The following ULK4 variants were observed in gnomAD, a reference collection of about 807,000 sequenced individuals.
The protein encoded by ULK4 is unc-51 like kinase 4, also known as inactive serine/threonine-protein kinase ULK4.
In ULK4, 133 loss-of-function variants were observed where a neutral mutation model predicts 160.6. The ratio of observed to expected loss-of-function variants is 0.83; its 90% confidence interval spans 0.72 to 0.96. The LOEUF is 0.96. ULK4 is among the 40% of genes least tolerant of loss of function. The pLI, the probability that ULK4 is intolerant of heterozygous loss-of-function variation, is 0.00. For synonymous variants in ULK4, 534 were observed against 539.8 expected, an observed-to-expected ratio of 0.99 and a Z score of 0.15; for missense variants, 1,580 against 1,499.5, an observed-to-expected ratio of 1.05 and a Z score of -0.89.
rs115437895 is a variant in ULK4, at chr3:41,261,125, A to G, written c.3679-11551T>C. Among the ~76,000 whole-genome samples the G allele has an allele frequency of 5.1e-3, 778 of 152,282 alleles. 8 individuals carry two copies. Among genetic ancestry groups the G allele is most frequent in the African/African-American group, 0.018 (742 of 41,548 alleles). Reference sequence around the variant, plus strand: ...TAGTAGATGTGCGGGGGCAAAGTTGACAAAACCCAGATTTCAGGTAGAAAC... The same window carrying G: ...TAGTAGATGTGCGGGGGCAAAGTTGGCAAAACCCAGATTTCAGGTAGAAAC... On this transcript the variant is annotated intron_variant, in intron 35 of 36. Transcript: ENST00000301831.
intron 32 of ULK4, among the ~76,000 whole-genome samples, chr3:41,463,718 T>A (rs555227109): frequency 4.6e-5 from 7 of 152,296 alleles, no homozygotes; most frequent in Middle Eastern, 6.8e-3. Flanking sequence ...TATAAGAAAT[T>A]TGAAATTTAG....
At chr3:41,597,200 A>C (rs575609293) in intron 31 of ULK4, among the ~76,000 whole-genome samples, 1 of 152,120 alleles carries the variant, frequency 6.6e-6, no homozygotes, top group African/African-American at 2.4e-5. Context: ...ATCTCAAAGT[A>C]AGTCCTTGTG....
chr3:41,302,765 C>A (rs1575412060), intron 35 of ULK4, among the ~76,000 whole-genome samples: 1 of 152,106 alleles, frequency 6.6e-6, no homozygotes, highest in African/African-American at 2.4e-5. Flanking sequence ...TAAAAATCCA[C>A]AATGAATGTC....
At chr3:41,518,541 T>C (rs1009706870) in intron 32 of ULK4, among the ~76,000 whole-genome samples, 4 of 152,254 alleles carry the variant, frequency 2.6e-5, no homozygotes, top group Non-Finnish European at 5.9e-5. Flanking sequence ...TAAATGCCTC[T>C]ATAAAGTTTT....
intron 30 of ULK4, among the ~76,000 whole-genome samples, chr3:41,617,339 C>A (rs1359690449): frequency 6.6e-6 from 1 of 152,244 alleles, no homozygotes; most frequent in East Asian, 1.9e-4. Flanking sequence ...AACCTCCCAA[C>A]AGGGGTCGAC....
At chr3:41,529,931 C>T (rs1257013397) in intron 32 of ULK4, among the ~76,000 whole-genome samples, 2 of 152,076 alleles carry the variant, frequency 1.3e-5, no homozygotes, top group Non-Finnish European at 2.9e-5. Context: ...CCTGAATAGG[C>T]AAATCCATAG....
At chr3:41,411,429 T>TA (rs1553659375) in intron 34 of ULK4, among the ~76,000 whole-genome samples, 4 of 151,680 alleles carry the variant, frequency 2.6e-5, no homozygotes, top group African/African-American at 7.3e-5. Flanking sequence ...TCTTTTTTTT[T>TA]TTTTTATTTT....
At chr3:41,864,615 T>C (rs1035328695) in intron 17 of ULK4, among the ~76,000 whole-genome samples, 1 of 152,066 alleles carries the variant, frequency 6.6e-6, no homozygotes, top group South Asian at 2.1e-4. Flanking sequence ...CCACTATATA[T>C]TAGATAGCTC....
intron 32 of ULK4, among the ~76,000 whole-genome samples, chr3:41,471,755 C>T (rs1051102810): frequency 4.0e-5 from 6 of 151,152 alleles, no homozygotes; most frequent in African/African-American, 1.5e-4. Context: ...CCTGAACAAC[C>T]AATGAGTTAA....
intron 35 of ULK4, among the ~76,000 whole-genome samples, chr3:41,355,998 T>C (rs2081022583): frequency 6.6e-6 from 1 of 152,230 alleles, no homozygotes; most frequent in South Asian, 2.1e-4. Flanking sequence ...TCCCACAGCC[T>C]CTTTCAGATA....
At chr3:41,444,517 TA>T in intron 34 of ULK4, among the ~76,000 whole-genome samples, 1 of 152,188 alleles carries the variant, frequency 6.6e-6, no homozygotes, top group East Asian at 1.9e-4. Context: ...TGTATAAATA[TA>T]ATGTTATACT....
chr3:41,535,544 T>C (rs1281348967), intron 32 of ULK4, among the ~76,000 whole-genome samples: 2 of 152,240 alleles, frequency 1.3e-5, no homozygotes, highest in Non-Finnish European at 2.9e-5. Context: ...GCAATAAATA[T>C]ATAAACCAAT....
At chr3:41,824,952 C>G (rs954178643) in intron 18 of ULK4, among the ~76,000 whole-genome samples, 1 of 152,312 alleles carries the variant, frequency 6.6e-6, no homozygotes, top group East Asian at 1.9e-4. Flanking sequence ...GCTGGGTACT[C>G]CTCTGAGACA....
intron 12 of ULK4, among the ~76,000 whole-genome samples, chr3:41,901,838 T>C (rs1181543503): frequency 1.3e-5 from 2 of 152,140 alleles, no homozygotes; most frequent in African/African-American, 4.8e-5. Flanking sequence ...TACAGAACAT[T>C]CAATGTGAAA....
chr3:41,391,693 CA>C (rs2081960076), intron 35 of ULK4, among the ~76,000 whole-genome samples: 1 of 151,858 alleles, frequency 6.6e-6, no homozygotes, highest in Admixed American at 6.6e-5. Flanking sequence ...AGCAACAGAA[CA>C]CGTCTGTTCT....
At position 41,954,652 on chromosome 3, in the gene ULK4, AT is replaced by A. The variant is rs763550173; in HGVS notation, c.107del (p.Asp36ValfsTer8). On this transcript the variant is annotated frameshift_variant, in exon 2 of 37. Transcript: ENST00000301831. LOFTEE classifies it high-confidence loss of function. Reference sequence around the variant, plus strand: ...TGGTTATTTCAGGCCTTTTGCACTTATCAGTACAAAGAATGGCTACAAAATT... The same window carrying A: ...TGGTTATTTCAGGCCTTTTGCACTTACAGTACAAAGAATGGCTACAAAATT... ...TINFVAILCT[D>X]KCKRPEITNW... 13 of 1,613,918 alleles carry A rather than the reference AT, an allele frequency of 8.1e-6. 1 individual carries two copies. Among genetic ancestry groups the A allele is most frequent in the African/African-American group, 6.7e-5 (5 of 75,018 alleles).
chr3:41,539,316 T>C (rs1203863881), intron 32 of ULK4, among the ~76,000 whole-genome samples: 1 of 152,144 alleles, frequency 6.6e-6, no homozygotes, highest in Non-Finnish European at 1.5e-5. Context: ...AAGAAAACTG[T>C]ATTTGTAAAA....
chr3:41,831,531 A>ATATATATATATAGATATAT lies in ULK4; in HGVS notation c.1764+4332_1764+4333insATATATCTATATATATATA. Among the ~76,000 whole-genome samples, 217 of 138,118 alleles carry ATATATATATATAGATATAT rather than the reference A, an allele frequency of 1.6e-3. 3 individuals carry two copies. Among genetic ancestry groups the ATATATATATATAGATATAT allele is most frequent in the African/African-American group, 5.8e-3 (205 of 35,262 alleles). 90.6% of individuals were successfully genotyped at this position (138,118 alleles called of 152,430 possible). A position where few individuals can be genotyped will look rare whatever the true frequency, so the allele number is the denominator to read the frequency against. On this transcript the variant is annotated intron_variant, in intron 18 of 36. Transcript: ENST00000301831. Reference sequence around the variant, plus strand: ...TTATTGTTATTTTATATATATATATATTTTTTTTTCTTTCTTAAACTTTAG... The same window carrying ATATATATATATAGATATAT: ...TTATTGTTATTTTATATATATATATATATATATATATAGATATATTTTTTTTTTCTTTCTTAAACTTTAG...
chr3:41,768,557 G>A (rs1192002261), intron 21 of ULK4, among the ~76,000 whole-genome samples: 3 of 152,124 alleles, frequency 2.0e-5, no homozygotes, highest in African/African-American at 4.8e-5. Flanking sequence ...CAATGCAACT[G>A]AGGCTACCAA....
Sources: allele counts gnomAD v4.1 joint callset (sites outside exome capture counted in the v4.1 genomes callset), GRCh38; gene constraint gnomAD v4.1.1; transcripts MANE v1.5; gene names NCBI Gene and HGNC (gene_info 2026-07-23, HGNC 2026-07-21).